The following FKBP10 variants were observed in gnomAD, a reference collection of about 807,000 sequenced individuals.
FKBP10 encodes FKBP prolyl isomerase 10.
A neutral mutation model predicts 53.7 loss-of-function variants in FKBP10; 34 were observed. That is an observed-to-expected ratio of 0.63 (90% CI 0.48 to 0.84). The LOEUF is 0.84. Ranked by LOEUF, FKBP10 falls within the 40% of genes least tolerant of loss-of-function variation. FKBP10 has a pLI of 0.00. For synonymous variants in FKBP10, 324 were observed against 335.7 expected, an observed-to-expected ratio of 0.97 and a Z score of 0.38; for missense variants, 748 against 797.8, an observed-to-expected ratio of 0.94 and a Z score of 0.75.
At chr17:41,814,624 T>TA (rs1417688794) in intron 1 of FKBP10, among the ~76,000 whole-genome samples, 3 of 152,160 alleles carry the variant, frequency 2.0e-5, no homozygotes, top group Non-Finnish European at 2.9e-5. Flanking sequence ...TATAGGGTAG[T>TA]AGCCAGAAGT....
At chr17:41,817,455 C>A (rs529342776) in intron 2 of FKBP10, among the ~76,000 whole-genome samples, 3 of 151,806 alleles carry the variant, frequency 2.0e-5, no homozygotes, top group South Asian at 4.2e-4. Context: ...CATAGTGAGA[C>A]CTCGTCTCTA....
Position 41,819,838 on chromosome 17 carries a change from C to T in FKBP10, c.1063+163C>T, listed in dbSNP as rs200783819. ...GTCACCCCATCTGATTCCTGCCACA[C>T]AGACTCCATCGGTTTCCTCCAGGGC... On this transcript the variant is annotated intron_variant, in intron 6 of 9. Transcript: ENST00000321562. The T allele has an allele frequency of 8.8e-4, 1,356 of 1,537,788 alleles. 1 individual carries two copies. The highest frequency in any genetic ancestry group is 1.2e-3 in the South Asian group (98 of 81,512).
At chr17:41,819,475 TGGAAG>T (rs2047861741) in intron 5 of FKBP10, 50 bp from the exon 6 acceptor site, 1 of 1,613,882 alleles carries the variant, frequency 6.2e-7, no homozygotes, top group African/African-American at 1.3e-5. Context: ...CTGAGCTGCC[TGGAAG>T]GGGAGGGCCC....
Position 41,821,780 on chromosome 17 carries a change from T to G in FKBP10, c.1526T>G (p.Met509Arg), listed in dbSNP as rs782180826. The change falls in exon 9 of 10, where the codon ATG becomes AGG. Residue 509 changes from methionine (M) to arginine (R), a missense_variant. Physicochemically the swap from Met to Arg is moderately conservative, Grantham distance 91. Coordinates refer to ENST00000321562, the MANE Select transcript of FKBP10 (RefSeq NM_021939.4). ...KDPPANLFED[M>R]DLNKDGEVPP... ...CCTCCTGCCAACCTGTTTGAAGACA[T>G]GGACCTCAACAAGGATGGCGAGGTC... 1.9e-6 allele frequency: 3 copies of G among 1,614,008 alleles called. No individual in the cohort carries two copies. In the South Asian group the frequency reaches 3.3e-5, roughly 18 times the overall value.
In FKBP10 at chr17:41,820,365, G is replaced by A. The variant is rs782107514; in HGVS notation, c.1160G>A (p.Arg387Gln). 17 of 1,614,032 alleles carry A rather than the reference G, an allele frequency of 1.1e-5. No individual in the cohort carries two copies. The highest frequency in any genetic ancestry group is 6.7e-5 in the East Asian group (3 of 44,888). Residue 387 changes from arginine (R) to glutamine (Q), a missense_variant, in exon 7 of 10, where the codon CGG becomes CAG. Arg to Gln is a conservative substitution (Grantham distance 43). Coordinates refer to ENST00000321562, the MANE Select transcript of FKBP10 (RefSeq NM_021939.4). ...ADVVEIRTLS[R>Q]PSETCNETTK... ...GTGGTGGAAATCAGGACACTGTCCC[G>A]GCCATCTGAGACCTGCAATGAGACC...
At position 41,820,511 on chromosome 17, in the gene FKBP10, G is replaced by A. The variant is rs1555616889; in HGVS notation, c.1256+50G>A. 3.1e-6 allele frequency: 5 copies of A among 1,595,706 alleles called. No homozygotes were observed. The African/African-American group carries it at 6.7e-5, about 21-fold the overall frequency. ...TGGGCAGGTGGGTGGGCACAGGCAT[G>A]GGGAGTCCTCCTCAGTGCACCCCCG... On this transcript the variant is annotated intron_variant, in intron 7 of 9. Transcript: ENST00000321562.
intron 1 of FKBP10, among the ~76,000 whole-genome samples, chr17:41,813,752 G>C (rs2047779880): frequency 6.6e-6 from 1 of 152,080 alleles, no homozygotes; most frequent in Admixed American, 6.5e-5. Context: ...TTTTTTTGGA[G>C]GGGGTGGGAG....
intron 1 of FKBP10, among the ~76,000 whole-genome samples, chr17:41,814,247 T>TG (rs2047787400): frequency 6.6e-6 from 1 of 152,186 alleles, no homozygotes; most frequent in Non-Finnish European, 1.5e-5. Context: ...AGGCATATAT[T>TG]GGGGTAAGCC....
intron 1 of FKBP10, 133 bp from the exon 2 acceptor site, chr17:41,816,925 G>A (rs1334702989): frequency 2.3e-6 from 3 of 1,300,064 alleles, no homozygotes; most frequent in Non-Finnish European, 3.3e-6. Context: ...AGAAGTGTGT[G>A]TGCGTATCCA....
intron 1 of FKBP10, among the ~76,000 whole-genome samples, chr17:41,813,703 T>C (rs926531513): frequency 2.6e-5 from 4 of 152,146 alleles, no homozygotes; most frequent in East Asian, 3.9e-4. Context: ...GTTCCACTGT[T>C]TTCAGTGCCT....
Position 41,822,428 on chromosome 17 carries a change from G to C in FKBP10, c.*20G>C. The C allele has an allele frequency of 6.3e-7, 1 of 1,586,438 alleles. No individual in the cohort carries two copies. The highest frequency in any genetic ancestry group is 8.6e-7 in the Non-Finnish European group (1 of 1,166,198). On this transcript the variant is annotated 3_prime_UTR_variant, in exon 10 of 10. Coordinates refer to ENST00000321562, the MANE Select transcript of FKBP10 (RefSeq NM_021939.4). ...CTCTGAGGGGCAGGGAGCCTGGCCA[G>C]GCCTGAGACACAGAGGCCCACTGCG... is the stretch of plus-strand genomic sequence containing the variant.
rs559851677 is a variant in FKBP10 at position 41,820,528 on chromosome 17, G to T, written c.1256+67G>T. ...ACAGGCATGGGGAGTCCTCCTCAGT[G>T]CACCCCCGACGCCTGCTCCTCCCTC... On this transcript the variant is annotated intron_variant, in intron 7 of 9. Coordinates refer to ENST00000321562, the MANE Select transcript of FKBP10 (RefSeq NM_021939.4). 2.6e-6 allele frequency: 4 copies of T among 1,536,204 alleles called. No homozygotes were observed. The South Asian group carries it at 4.5e-5, about 17-fold the overall frequency.
chr17:41,816,612 T>A (rs1350826279), intron 1 of FKBP10, among the ~76,000 whole-genome samples: 37 of 152,122 alleles, frequency 2.4e-4, no homozygotes, highest in Non-Finnish European at 1.0e-4. Context: ...TCTCCATTGC[T>A]CTCATTAAGA....
chr17:41,818,586 C>T, intron 4 of FKBP10, 59 bp downstream of exon 4: 2 of 1,605,806 alleles, frequency 1.2e-6, no homozygotes, highest in African/African-American at 1.3e-5. Context: ...ACCAGGCCTC[C>T]ACATACAGTT....
rs1555617154 is a variant in FKBP10, at chr17:41,821,712, G to C, written c.1458G>C (p.Glu486Asp). 1.9e-6 allele frequency: 3 copies of C among 1,614,034 alleles called. No individual in the cohort carries two copies. In the African/African-American group the frequency reaches 4.0e-5, roughly 22 times the overall value. ...TTGAGGTGGAGCTGGTGTCCCGGGAGGATGGGCTGCCCACAGGCTACCTGT... is the reference window on the plus strand; with the variant it reads ...TTGAGGTGGAGCTGGTGTCCCGGGACGATGGGCTGCCCACAGGCTACCTGT... ...LLFEVELVSR[E>D]DGLPTGYLFV... The change falls in exon 9 of 10, where the codon GAG (glutamate) becomes GAC (aspartate). Residue 486 changes from glutamate to aspartate, a missense_variant. Coordinates refer to ENST00000321562, the MANE Select transcript of FKBP10 (RefSeq NM_021939.4).
intron 4 of FKBP10, 103 bp downstream of exon 4, chr17:41,818,630 C>A: frequency 1.4e-6 from 2 of 1,450,796 alleles, no homozygotes; most frequent in Non-Finnish European, 9.5e-7. Flanking sequence ...GGCATCCAAC[C>A]AAGGACTCAA....
chr17:41,814,376 T>C (rs1464507515), intron 1 of FKBP10, among the ~76,000 whole-genome samples: 1 of 152,184 alleles, frequency 6.6e-6, no homozygotes, highest in Non-Finnish European at 1.5e-5. Flanking sequence ...AAACAGGACC[T>C]ACTTGCTAAG....
rs2047803962 is a variant in FKBP10 at position 41,815,504 on chromosome 17, C to T, written c.246-1554C>T. On this transcript the variant is annotated intron_variant, in intron 1 of 9. Coordinates refer to ENST00000321562, the MANE Select transcript of FKBP10 (RefSeq NM_021939.4). Reference sequence around the variant, plus strand: ...TTTTTGAGACAGAGTCTTGCTCTGTCCCCCAGGCTGGAGTGCAGTAGCGCG... The same window carrying T: ...TTTTTGAGACAGAGTCTTGCTCTGTTCCCCAGGCTGGAGTGCAGTAGCGCG... Among the ~76,000 whole-genome samples the T allele has an allele frequency of 3.3e-5, 5 of 149,548 alleles. No individual in the cohort carries two copies. The Admixed American group carries it at 3.3e-4, about 10-fold the overall frequency.
chr17:41,817,078 T>C lies in FKBP10; in HGVS notation c.266T>C (p.Val89Ala). Reference sequence around the variant, plus strand: ...CCCAGCTATGATCGCAACACCTTGGTGGCCATCGTGGTGGGTGTGGGGCGC... The same window carrying C: ...CCCAGCTATGATCGCAACACCTTGGCGGCCATCGTGGTGGGTGTGGGGCGC... ...FDSSYDRNTLVAIVVGVGRLI... is the reference protein window; with the variant it reads ...FDSSYDRNTLAAIVVGVGRLI... The change falls in exon 2 of 10, where the codon GTG becomes GCG. Residue 89 changes from valine (V) to alanine (A), a missense_variant. Coordinates refer to ENST00000321562, the MANE Select transcript of FKBP10 (RefSeq NM_021939.4). The C allele has an allele frequency of 6.2e-7, 1 of 1,614,070 alleles. No individual in the cohort carries two copies. The highest frequency in any genetic ancestry group is 1.1e-5 in the South Asian group (1 of 91,086).
Sources: gnomAD v4.1 joint callset for allele counts (sites outside exome capture counted in the v4.1 genomes callset) on GRCh38, gnomAD v4.1.1 for gene constraint, MANE v1.5 for transcripts, NCBI Gene and HGNC (gene_info 2026-07-23, HGNC 2026-07-21) for gene names.